The following GPR19 variants were observed in gnomAD, a reference collection of about 807,000 sequenced individuals.
GPR19 encodes probable G protein-coupled receptor 19.
Under a neutral mutation model 28.5 loss-of-function variants are expected in GPR19, and 14 were observed. The ratio of observed to expected loss-of-function variants is 0.49; its 90% CI spans 0.32 to 0.77. The LOEUF (loss-of-function observed/expected upper bound fraction) is 0.77. GPR19 is among the 30% of genes least tolerant of loss of function. The probability of loss-of-function intolerance (pLI) is 0.03; values close to 1 mark genes in which losing one functional copy is unlikely to be tolerated. For missense variants in GPR19, 409 were observed against 504.1 expected (o/e 0.81, Z 1.81); for synonymous variants, 173 against 184.1 (o/e 0.94, Z 0.49).
intron 3 of GPR19, among the ~76,000 whole-genome samples, chr12:12,674,029 T>A (rs994108381): frequency 9.2e-5 from 14 of 151,916 alleles, no homozygotes; most frequent in African/African-American, 2.9e-4. Context: ...CTGGCCAACA[T>A]GGCAAAATCC....
chr12:12,679,510 A>G (rs1945986925), intron 3 of GPR19, among the ~76,000 whole-genome samples: 1 of 150,844 alleles, frequency 6.6e-6, no homozygotes, highest in Non-Finnish European at 1.5e-5. Flanking sequence ...AGGTGGGACT[A>G]TCATAGACCT....
the GPR19 span, among the ~76,000 whole-genome samples, chr12:12,709,340 T>G: frequency 2.0e-5 from 3 of 152,224 alleles, no homozygotes; most frequent in African/African-American, 7.2e-5. Context: ...TTCCTAAAAC[T>G]ATGTGGTCTC....
intron 2 of GPR19, among the ~76,000 whole-genome samples, chr12:12,694,893 C>T (rs1946240358): frequency 6.6e-6 from 1 of 152,214 alleles, no homozygotes; most frequent in South Asian, 2.1e-4. Flanking sequence ...CAGCATTTTC[C>T]TATGCACTTC....
At position 12,674,784 on chromosome 12, in the gene GPR19, T is replaced by C. The variant is rs575231793; in HGVS notation, c.-23+9567A>G. 3.3e-5 allele frequency among the ~76,000 whole-genome samples: 5 copies of C among 152,330 alleles called. No individual in the cohort carries two copies. In the South Asian group the frequency reaches 1.0e-3, roughly 32 times the overall value. Reference sequence around the variant, plus strand: ...CTCCAGAATGTACTATGTTAATAATTAGATATACAATGGTAAACCAAACTG... The same window carrying C: ...CTCCAGAATGTACTATGTTAATAATCAGATATACAATGGTAAACCAAACTG... On this transcript the variant is annotated intron_variant, in intron 3 of 3. Coordinates refer to ENST00000651487, the MANE Select transcript of GPR19 (RefSeq NM_006143.3).
At chr12:12,711,463 G>T in the GPR19 span, among the ~76,000 whole-genome samples, 1 of 152,058 alleles carries the variant, frequency 6.6e-6, no homozygotes, top group Non-Finnish European at 1.5e-5. Context: ...GGATTCTGAG[G>T]GGGTCACATG....
the GPR19 span, chr12:12,716,016 A>G: frequency 1.3e-5 from 2 of 152,268 alleles, no homozygotes; most frequent in Non-Finnish European, 2.9e-5. Context: ...AGTAAAATGC[A>G]TTAACTTTGG....
chr12:12,705,694 T>G, the GPR19 span, among the ~76,000 whole-genome samples: 1 of 151,984 alleles, frequency 6.6e-6, no homozygotes, highest in African/African-American at 2.4e-5. Flanking sequence ...ACTACAGGCA[T>G]ACACCACCAC....
chr12:12,687,805 C>T (rs935342027), intron 2 of GPR19, among the ~76,000 whole-genome samples: 9 of 152,258 alleles, frequency 5.9e-5, no homozygotes, highest in South Asian at 2.1e-4. Context: ...CTTAAAACAA[C>T]GCTCTTACCA....
intron 2 of GPR19, among the ~76,000 whole-genome samples, chr12:12,694,188 C>CTGTTTTTTTTTT (rs1946227909): frequency 2.3e-5 from 1 of 43,810 alleles, no homozygotes; most frequent in African/African-American, 9.1e-5. Flanking sequence ...GAGTACCTGT[C>CTGTTTTTTTTTT]TTTTTTTTTT....
chr12:12,662,426 T>C lies in GPR19; in HGVS notation c.23A>G (p.Asp8Gly). The C allele has an allele frequency of 1.2e-6, 2 of 1,613,906 alleles. No homozygotes were observed. The highest frequency in any genetic ancestry group is 1.7e-6 in the Non-Finnish European group (2 of 1,179,776). MVFAHRM[D>G]NSKPHLIIPT... Reference sequence around the variant, plus strand: ...AATAATCAAATGTGGCTTGCTGTTATCCATTCTGTGAGCAAAAACCATATT... The same window carrying C: ...AATAATCAAATGTGGCTTGCTGTTACCCATTCTGTGAGCAAAAACCATATT... The change falls in exon 4 of 4, where the codon GAT becomes GGT. Residue 8 changes from aspartate (D) to glycine (G), a missense_variant. By Grantham distance (94) the Asp-to-Gly change is moderately conservative. Transcript: ENST00000651487.
At chr12:12,716,878 C>A in the GPR19 span, 1 of 984,366 alleles carries the variant, frequency 1.0e-6, no homozygotes, top group African/African-American at 1.7e-5. Context: ...TCCGCGGCCT[C>A]CCCCGCAGAC....
At chr12:12,716,618 T>TG in the GPR19 span, 1 of 367,068 alleles carries the variant, frequency 2.7e-6, no homozygotes, top group Non-Finnish European at 3.8e-6. Flanking sequence ...TTTTTGTTTT[T>TG]TTTTTTTAAT....
intron 2 of GPR19, among the ~76,000 whole-genome samples, chr12:12,694,242 A>G (rs1246355656): frequency 2.6e-5 from 3 of 113,492 alleles, no homozygotes; most frequent in African/African-American, 1.0e-4. Context: ...TCTGTCGCCC[A>G]GGCTGGAGTG....
chr12:12,699,591 C>T (rs1315145690), upstream of GPR19, among the ~76,000 whole-genome samples: 1 of 152,186 alleles, frequency 6.6e-6, no homozygotes, highest in Admixed American at 6.5e-5. Context: ...CAAGTCCAGC[C>T]TGGACAATAT....
Position 12,664,287 on chromosome 12 carries a change from C to G in GPR19, c.-22-1817G>C, listed in dbSNP as rs140605929. Among the ~76,000 whole-genome samples, 926 of 152,106 alleles carry G rather than the reference C, an allele frequency of 6.1e-3. 13 individuals carry two copies. The highest frequency in any genetic ancestry group is 0.021 in the African/African-American group (870 of 41,482). On this transcript the variant is annotated intron_variant, in intron 3 of 3. Transcript: ENST00000651487. Reference sequence around the variant, plus strand: ...TTACGGGTGTAGCAATTGCGCCCAGCCCTCATTTTTTCTTTGAGGGATTTT... The same window carrying G: ...TTACGGGTGTAGCAATTGCGCCCAGGCCTCATTTTTTCTTTGAGGGATTTT...
At chr12:12,703,353 T>C in the GPR19 span, 1 of 983,406 alleles carries the variant, frequency 1.0e-6, no homozygotes, top group Admixed American at 6.1e-5. Context: ...TTACCACAAG[T>C]AGTATATGGA....
chr12:12,680,447 C>CA (rs1416644123), intron 3 of GPR19, among the ~76,000 whole-genome samples: 1 of 152,154 alleles, frequency 6.6e-6, no homozygotes, highest in Non-Finnish European at 1.5e-5. Flanking sequence ...AAGGTTTGGC[C>CA]AAGGGAAAAT....
the GPR19 span, among the ~76,000 whole-genome samples, chr12:12,707,989 CTTTTTTTT>C: frequency 6.4e-5 from 4 of 62,468 alleles, no homozygotes; most frequent in East Asian, 9.2e-4. Context: ...ATTTCCTATT[CTTTTTTTT>C]TTTTTTTTTT....
chr12:12,664,913 C>A (rs1945740599), intron 3 of GPR19, among the ~76,000 whole-genome samples: 2 of 79,396 alleles, frequency 2.5e-5, no homozygotes, highest in Admixed American at 2.1e-4. Flanking sequence ...GGGTGAGACG[C>A]CATCTCAAAA....
Sources: allele counts gnomAD v4.1 joint callset (sites outside exome capture counted in the v4.1 genomes callset), GRCh38; gene constraint gnomAD v4.1.1; transcripts MANE v1.5; gene names NCBI Gene and HGNC (gene_info 2026-07-23, HGNC 2026-07-21).